The following ANKS1A variants were observed in gnomAD, a reference collection of about 807,000 sequenced individuals.
The protein encoded by ANKS1A is ankyrin repeat and sterile alpha motif domain containing 1A, also known as ankyrin repeat and SAM domain-containing protein 1A.
In ANKS1A, 55 loss-of-function variants were observed where a neutral mutation model predicts 120.3. The ratio of observed to expected loss-of-function variants is 0.46; its 90% CI spans 0.37 to 0.57. The LOEUF is 0.57. ANKS1A is among the 20% of genes least tolerant of loss of function. The pLI, the probability that ANKS1A is intolerant of heterozygous loss-of-function variation, is 0.00. For synonymous variants in ANKS1A, 590 were observed against 604.7 expected, an observed-to-expected ratio of 0.98 and a Z score of 0.36; for missense variants, 1,123 against 1,480.3, an observed-to-expected ratio of 0.76 and a Z score of 3.96.
In ANKS1A at chr6:35,090,779, T is replaced by G; in HGVS notation, c.*2170T>G. The G allele has an allele frequency of 8.1e-6, 8 of 986,096 alleles. No homozygotes were observed. The highest frequency in any genetic ancestry group is 9.6e-6 in the Non-Finnish European group (8 of 830,474). 61.1% of individuals were successfully genotyped at this position (986,096 alleles called of 1,614,324 possible). A position where few individuals can be genotyped will look rare whatever the true frequency, so the allele number is the denominator to read the frequency against. ...CCAGGGGCAGACCCTGTCGCTGCGT[T>G]TCTGAACTGTGAAGGAGCCCATTCG... On this transcript the variant is annotated 3_prime_UTR_variant, in exon 24 of 24. Transcript: ENST00000360359.
intron 1 of ANKS1A, among the ~76,000 whole-genome samples, chr6:34,953,390 G>A (rs1017553363): frequency 6.6e-5 from 10 of 152,178 alleles, no homozygotes; most frequent in African/African-American, 2.4e-4. Flanking sequence ...AATTAAAAAG[G>A]CAAGATGGGA....
At chr6:34,900,442 ACTCT>A (rs766060198) in intron 1 of ANKS1A, among the ~76,000 whole-genome samples, 3 of 148,408 alleles carry the variant, frequency 2.0e-5, no homozygotes, top group Non-Finnish European at 4.4e-5. Context: ...CCTCATAACA[ACTCT>A]CTCTGTTTTT....
chr6:34,903,600 C>T (rs1346233530), intron 1 of ANKS1A, among the ~76,000 whole-genome samples: 1 of 151,968 alleles, frequency 6.6e-6, no homozygotes, highest in Non-Finnish European at 1.5e-5. Context: ...CGGGTTCAAG[C>T]GATTCCCCTG....
chr6:35,069,009 C>T (rs1776935286), intron 13 of ANKS1A, among the ~76,000 whole-genome samples: 1 of 152,112 alleles, frequency 6.6e-6, no homozygotes, highest in Non-Finnish European at 1.5e-5. Context: ...CATTGGTGGG[C>T]CCAGGACTGC....
Position 35,032,417 on chromosome 6 carries a change from T to C in ANKS1A, c.2010+14358T>C, listed in dbSNP as rs74469408. Reference sequence around the variant, plus strand: ...GCACTACATGCTTTGCTGCTCTTGTTTGTGTGTGTGGCCCTTCTCCCCAGT... The same window carrying C: ...GCACTACATGCTTTGCTGCTCTTGTCTGTGTGTGTGGCCCTTCTCCCCAGT... On this transcript the variant is annotated intron_variant, in intron 11 of 23. Transcript: ENST00000360359. Among the ~76,000 whole-genome samples, 485 of 152,290 alleles carry C rather than the reference T, an allele frequency of 3.2e-3. 14 individuals are homozygous for C. In the East Asian group the frequency reaches 0.07, roughly 22 times the overall value.
chr6:35,060,168 G>C lies in ANKS1A; in HGVS notation c.2099G>C (p.Ser700Thr), dbSNP rs1183043957. The change falls in exon 13 of 24, where the codon AGT becomes ACT. Residue 700 changes from serine to threonine, a missense_variant. By Grantham distance (58) the Ser-to-Thr change is moderately conservative. Coordinates refer to ENST00000360359, the MANE Select transcript of ANKS1A (RefSeq NM_015245.3). This position sits in a 1 kb window ranked among gnomAD's most constrained non-coding sequence, Gnocchi z 4.5. ...KISGLRTLEQSVGEWLESIGL... is the reference protein window; with the variant it reads ...KISGLRTLEQTVGEWLESIGL... ...TCAGGTTTACGGACGCTGGAGCAGAGTGTCGGGGAGTGGCTGGAGTCGATT... is the reference window on the plus strand; with the variant it reads ...TCAGGTTTACGGACGCTGGAGCAGACTGTCGGGGAGTGGCTGGAGTCGATT... The C allele has an allele frequency of 1.9e-6, 3 of 1,613,798 alleles. No homozygotes were observed. Among genetic ancestry groups the C allele is most frequent in the Non-Finnish European group, 2.5e-6 (3 of 1,179,928 alleles).
intron 1 of ANKS1A, among the ~76,000 whole-genome samples, chr6:34,932,777 A>G (rs951307989): frequency 1.3e-5 from 2 of 152,198 alleles, no homozygotes; most frequent in Non-Finnish European, 2.9e-5. Context: ...TGTTGTTTCC[A>G]TATTTTGGTT....
At position 35,091,027 on chromosome 6, in the gene ANKS1A, T is replaced by G. The variant is rs148905721; in HGVS notation, c.*2418T>G. ...GCAGGCAGAGCTGCAGTCAGAGACA[T>G]TAGAAAACCAGTCTGAATTGGGTCT... is the stretch of plus-strand genomic sequence containing the variant. On this transcript the variant is annotated 3_prime_UTR_variant, in exon 24 of 24. Transcript: ENST00000360359. 8.1e-6 allele frequency: 8 copies of G among 985,874 alleles called. No homozygotes were observed. The highest frequency in any genetic ancestry group is 9.6e-6 in the Non-Finnish European group (8 of 829,938). The allele number at this position is 985,874 out of a possible 1,614,324, so 61.1% of individuals were successfully genotyped here. A position where few individuals can be genotyped will look rare whatever the true frequency, so the allele number is the denominator to read the frequency against.
chr6:34,905,860 G>T (rs1767622052), intron 1 of ANKS1A, among the ~76,000 whole-genome samples: 1 of 152,204 alleles, frequency 6.6e-6, no homozygotes, highest in African/African-American at 2.4e-5. Context: ...GTTAAGGTCT[G>T]TCTGGATCAC....
At chr6:35,008,239 G>A (rs576401828) in intron 10 of ANKS1A, among the ~76,000 whole-genome samples, 307 of 152,170 alleles carry the variant, frequency 2.0e-3, no homozygotes, top group East Asian at 7.9e-3. Context: ...TAAATAGACG[G>A]GGTCTCGCTC....
intron 11 of ANKS1A, among the ~76,000 whole-genome samples, chr6:35,048,767 C>T (rs1775835673): frequency 6.6e-6 from 1 of 152,182 alleles, no homozygotes; most frequent in Admixed American, 6.5e-5. Context: ...TTAGGGTTCT[C>T]TGCACAGCCT....
Position 35,017,630 on chromosome 6 carries a change from T to C in ANKS1A, c.1581T>C (p.His527=), listed in dbSNP as rs372559416. Residue 527 remains histidine (H), a synonymous_variant, in exon 11 of 24, where the codon CAT becomes CAC. Transcript: ENST00000360359. ...TGCTCTGTACCGCTGGCCAGAGCCA[T>C]CCAGACGGGTCCCCCCAGCAGGGCG... ...FQLLCTAGQS[H]PDGSPQQGAC... is the part of the protein sequence containing the mutation. 5.6e-6 allele frequency: 9 copies of C among 1,613,606 alleles called. No individual in the cohort carries two copies. In the African/African-American group the frequency reaches 8.0e-5, roughly 14 times the overall value.
At chr6:34,976,272 C>T (rs777455449) in intron 3 of ANKS1A, among the ~76,000 whole-genome samples, 14 of 152,076 alleles carry the variant, frequency 9.2e-5, no homozygotes, top group Non-Finnish European at 1.3e-4. Flanking sequence ...TTCTATCAGG[C>T]ACCTGTACAA....
At chr6:34,895,852 C>T (rs939959088) in intron 1 of ANKS1A, among the ~76,000 whole-genome samples, 1 of 116,064 alleles carries the variant, frequency 8.6e-6, no homozygotes, top group East Asian at 3.7e-4. Flanking sequence ...TGCGATGGCA[C>T]GATCTCGACT....
chr6:35,071,595 AG>A (rs1179069508), intron 13 of ANKS1A, among the ~76,000 whole-genome samples: 2 of 151,690 alleles, frequency 1.3e-5, no homozygotes, highest in Non-Finnish European at 2.9e-5. Flanking sequence ...CTTGGCCTAG[AG>A]GGGGGGTCCA....
intron 7 of ANKS1A, 61 bp from the exon 8 acceptor site, chr6:34,985,021 G>T: frequency 6.5e-7 from 1 of 1,530,630 alleles, no homozygotes; most frequent in South Asian, 1.2e-5. Flanking sequence ...TTGCTGCAGT[G>T]GTTGGAACCT....
intron 8 of ANKS1A, 118 bp downstream of exon 8, chr6:34,985,396 G>A: frequency 1.0e-6 from 1 of 993,672 alleles, no homozygotes; most frequent in Non-Finnish European, 1.5e-6. Flanking sequence ...TCCGGGGCCT[G>A]GAGCCCACTT....
At chr6:35,080,712 G>A (rs1777624127) in intron 16 of ANKS1A, among the ~76,000 whole-genome samples, 2 of 152,192 alleles carry the variant, frequency 1.3e-5, no homozygotes, top group Admixed American at 6.5e-5. Context: ...TCTCAAGGGG[G>A]TGCTTTGTTT....
chr6:34,948,040 TTG>T (rs1287539951), intron 1 of ANKS1A, among the ~76,000 whole-genome samples: 15 of 152,186 alleles, frequency 9.9e-5, no homozygotes, highest in African/African-American at 3.4e-4. Flanking sequence ...CGAAGTTTGT[TTG>T]TTTTTTTTAC....
Sources: gnomAD v4.1 joint callset for allele counts (sites outside exome capture counted in the v4.1 genomes callset) on GRCh38, gnomAD v4.1.1 for gene constraint, Gnocchi (gnomAD v3.1) non-coding constraint, MANE v1.5 for transcripts, NCBI Gene and HGNC (gene_info 2026-07-23, HGNC 2026-07-21) for gene names.